Variants in PTPN3 observed in about 807,000 individuals in gnomAD.
PTPN3 encodes the protein tyrosine-protein phosphatase non-receptor type 3.
PTPN3 carries 96 observed loss-of-function variants against 132.7 expected under a neutral mutation model. The ratio of observed to expected loss-of-function variants is 0.72; its 90% CI spans 0.61 to 0.86. The LOEUF (loss-of-function observed/expected upper bound fraction) is 0.86, where lower values mean the gene tolerates loss of function less well. PTPN3 is among the 40% of genes least tolerant of loss of function. The pLI, the probability that PTPN3 is intolerant of heterozygous loss-of-function variation, is 0.00. For missense variants in PTPN3, 1,125 were observed against 1,159.6 expected, an observed-to-expected ratio of 0.97 and a Z score of 0.43; for synonymous variants, 398 against 429.0, an observed-to-expected ratio of 0.93 and a Z score of 0.89.
intron 5 of PTPN3, chr9:109,449,927 T>G: frequency 1.0e-6 from 1 of 985,400 alleles, no homozygotes; most frequent in African/African-American, 1.7e-5. Flanking sequence ...GCTTTGTACA[T>G]GGTACTACTT....
chr9:109,499,906 G>A (rs1564494139), upstream of PTPN3, among the ~76,000 whole-genome samples: 1 of 152,156 alleles, frequency 6.6e-6, no homozygotes, highest in Non-Finnish European at 1.5e-5. Context: ...CGCGGCGCCC[G>A]CTCAGCACCA....
At chr9:109,429,879 T>C (rs1475683830) in intron 10 of PTPN3, among the ~76,000 whole-genome samples, 1 of 152,208 alleles carries the variant, frequency 6.6e-6, no homozygotes, top group Non-Finnish European at 1.5e-5. Flanking sequence ...TACTATTCTC[T>C]AGGATCATAC....
chr9:109,430,847 C>T (rs1843614732), intron 10 of PTPN3, among the ~76,000 whole-genome samples: 1 of 152,232 alleles, frequency 6.6e-6, no homozygotes, highest in Non-Finnish European at 1.5e-5. Flanking sequence ...TCCAGCCTGG[C>T]CTGTCCCACT....
At chr9:109,413,583 AG>A (rs1043633403) in intron 14 of PTPN3, among the ~76,000 whole-genome samples, 1 of 152,158 alleles carries the variant, frequency 6.6e-6, no homozygotes, top group African/African-American at 2.4e-5. Context: ...GAGTGAAGAA[AG>A]GGGCAGGATG....
intron 14 of PTPN3, among the ~76,000 whole-genome samples, chr9:109,416,434 T>G (rs1222541992): frequency 1.4e-5 from 2 of 148,048 alleles, no homozygotes; most frequent in Non-Finnish European, 3.0e-5. Flanking sequence ...AGTTTTTTGT[T>G]TTTTGTTTTT....
intron 2 of PTPN3, among the ~76,000 whole-genome samples, chr9:109,461,895 C>T (rs187207813): frequency 6.6e-6 from 1 of 152,348 alleles, no homozygotes; most frequent in Admixed American, 6.5e-5. Flanking sequence ...GACAGTCCTC[C>T]TGAGAGGATG....
the PTPN3 span, among the ~76,000 whole-genome samples, chr9:109,518,043 G>T: frequency 5.9e-5 from 9 of 152,176 alleles, no homozygotes; most frequent in African/African-American, 1.9e-4. Context: ...CAGGCCTAGG[G>T]GTGGTTACGG....
chr9:109,527,318 G>A, the PTPN3 span, among the ~76,000 whole-genome samples: 7 of 152,272 alleles, frequency 4.6e-5, no homozygotes, highest in African/African-American at 1.7e-4. Flanking sequence ...AAAATGAGCC[G>A]GGCATAGTGG....
Position 109,400,320 on chromosome 9 carries a change from G to A in PTPN3, c.1953+4128C>T, listed in dbSNP as rs115892705. Among the ~76,000 whole-genome samples, 748 of 152,198 alleles carry A rather than the reference G, an allele frequency of 4.9e-3. 3 individuals are homozygous for A. Among genetic ancestry groups the A allele is most frequent in the African/African-American group, 0.017 (717 of 41,508 alleles). On this transcript the variant is annotated intron_variant, in intron 19 of 25. Transcript: ENST00000374541. ...ATAATAACAGCTATTACTTTTTATG[G>A]CACTTTGACCACATACCAGACAACA...
intron 14 of PTPN3, among the ~76,000 whole-genome samples, chr9:109,413,829 C>A (rs927732027): frequency 6.6e-6 from 1 of 152,112 alleles, no homozygotes; most frequent in African/African-American, 2.4e-5. Flanking sequence ...TGCTTCTGAA[C>A]TGTAAAGGCA....
At chr9:109,379,781 G>A (rs1226140487) in intron 25 of PTPN3, 148 bp from the exon 26 acceptor site, 8 of 686,170 alleles carry the variant, frequency 1.2e-5, no homozygotes, top group Admixed American at 4.7e-5. Flanking sequence ...TGAAGCCCTA[G>A]TTCCTATATG....
At chr9:109,508,183 TGGCG>T in the PTPN3 span, among the ~76,000 whole-genome samples, 1 of 149,034 alleles carries the variant, frequency 6.7e-6, no homozygotes, top group Non-Finnish European at 1.5e-5. Context: ...TTTTTTGAGA[TGGCG>T]TTTCGCTCTG....
the PTPN3 span, among the ~76,000 whole-genome samples, chr9:109,514,911 A>G: frequency 6.6e-5 from 10 of 152,334 alleles, no homozygotes; most frequent in South Asian, 2.1e-3. Context: ...TCCCAGAAGA[A>G]TGAGAAAAAA....
chr9:109,427,263 G>C, intron 11 of PTPN3, 141 bp from the exon 12 acceptor site: 1 of 845,954 alleles, frequency 1.2e-6, no homozygotes, highest in South Asian at 1.8e-5. Flanking sequence ...CCACAAACCA[G>C]TGTACCGGAA....
chr9:109,382,752 T>G (rs932966416), intron 23 of PTPN3, among the ~76,000 whole-genome samples: 40 of 79,602 alleles, frequency 5.0e-4, no homozygotes, highest in African/African-American at 2.2e-3. Flanking sequence ...ATGCTGACTG[T>G]TTTTTTTTTT....
chr9:109,381,881 T>A, intron 24 of PTPN3, 94 bp from the exon 25 acceptor site: 1 of 1,476,622 alleles, frequency 6.8e-7, no homozygotes, highest in Non-Finnish European at 9.4e-7. Context: ...AAAGGGGCTT[T>A]CCTCCCTTGG....
At chr9:109,460,349 G>A (rs879876159) in intron 2 of PTPN3, among the ~76,000 whole-genome samples, 5 of 151,904 alleles carry the variant, frequency 3.3e-5, no homozygotes, top group Non-Finnish European at 7.4e-5. Context: ...CATCATCTCC[G>A]CCCTGGACTG....
intron 16 of PTPN3, among the ~76,000 whole-genome samples, chr9:109,409,337 G>A (rs1023625613): frequency 6.6e-6 from 1 of 151,254 alleles, no homozygotes; most frequent in African/African-American, 2.4e-5. Context: ...TCCTGAAGTG[G>A]GTAGATCTGT....
At chr9:109,527,160 A>G in the PTPN3 span, among the ~76,000 whole-genome samples, 3 of 152,374 alleles carry the variant, frequency 2.0e-5, no homozygotes, top group African/African-American at 7.2e-5. Flanking sequence ...GTTGGACTTC[A>G]TTAAAATGAA....
Sources: allele counts gnomAD v4.1 joint callset (sites outside exome capture counted in the v4.1 genomes callset), GRCh38; gene constraint gnomAD v4.1.1; transcripts MANE v1.5; gene names NCBI Gene and HGNC (gene_info 2026-07-23, HGNC 2026-07-21).